Variants in VWA5B2 observed in about 807,000 individuals in gnomAD.
VWA5B2 encodes von Willebrand factor A domain-containing protein 5B2.
VWA5B2 carries 93 observed loss-of-function variants against 118.5 expected under a neutral mutation model. The observed-to-expected ratio is 0.79, with a 90% CI of 0.66 to 0.93. The LOEUF is 0.93. Ranked by LOEUF, VWA5B2 falls within the 40% of genes least tolerant of loss-of-function variation. VWA5B2 has a pLI of 0.00. For missense variants in VWA5B2, 1,546 were observed against 1,672.8 expected (o/e 0.92, Z 1.32); for synonymous variants, 708 against 716.3 (o/e 0.99, Z 0.19).
At position 184,240,774 on chromosome 3, in the gene VWA5B2, G is replaced by T; in HGVS notation, c.2741-17G>T. The T allele has an allele frequency of 6.5e-7, 1 of 1,549,796 alleles. No individual in the cohort carries two copies. The highest frequency in any genetic ancestry group is 8.7e-7 in the Non-Finnish European group (1 of 1,146,754). Reference sequence around the variant, plus strand: ...GTGGGTGGTGGGGGCTCCACAGACTGCTCCTTGGTTCCACAGGCCATGCCC... The same window carrying T: ...GTGGGTGGTGGGGGCTCCACAGACTTCTCCTTGGTTCCACAGGCCATGCCC... On this transcript the variant is annotated splice_polypyrimidine_tract_variant and intron_variant, in intron 16 of 19. Coordinates refer to ENST00000691901, the MANE Select transcript of VWA5B2 (RefSeq NM_001390846.1).
chr3:184,239,973 T>C lies in VWA5B2; in HGVS notation c.2677T>C (p.Ser893Pro), dbSNP rs868368591. Reference protein sequence around the residue: ...DQALHRLTAASVVRDNEQLAL... With the variant: ...DQALHRLTAAPVVRDNEQLAL... ...AGCACTCCATCGGCTGACAGCAGCCTCTGTGGTCCGGGACAATGAGCAGCT... is the reference window on the plus strand; with the variant it reads ...AGCACTCCATCGGCTGACAGCAGCCCCTGTGGTCCGGGACAATGAGCAGCT... The change falls in exon 16 of 20, where the codon TCT (serine) becomes CCT (proline). Residue 893 changes from serine to proline, a missense_variant. This residue lies in a region of VWA5B2 where 763 missense variants were observed against 766.6 expected (regional missense o/e 1.00). Transcript: ENST00000691901. This position sits in a 1 kb window ranked among gnomAD's most constrained non-coding sequence, Gnocchi z 5.1. 4 of 1,550,900 alleles carry C rather than the reference T, an allele frequency of 2.6e-6. No homozygotes were observed. The highest frequency in any genetic ancestry group is 1.7e-6 in the Non-Finnish European group (2 of 1,146,906).
At position 184,237,229 on chromosome 3, in the gene VWA5B2, G is replaced by T. The variant is rs79073289; in HGVS notation, c.1537G>T (p.Val513Leu). 2.9e-3 allele frequency: 4,460 copies of T among 1,551,186 alleles called. 117 individuals carry two copies. The African/African-American group carries it at 0.054, about 19-fold the overall frequency. ...TCCCTGTGGCCACTCCCCACAGCTGGTACAGGCTCTGCGGAAGGCACTGGA... is the reference window on the plus strand; with the variant it reads ...TCCCTGTGGCCACTCCCCACAGCTGTTACAGGCTCTGCGGAAGGCACTGGA... ...RPGQRLQPML[V>L]QALRKALEPA... The change falls in exon 12 of 20, where the codon GTA becomes TTA. Residue 513 changes from valine (V) to leucine (L), a missense_variant. Physicochemically the swap from Val to Leu is conservative, Grantham distance 32 (BLOSUM62 1). Coordinates refer to ENST00000691901, the MANE Select transcript of VWA5B2 (RefSeq NM_001390846.1). The surrounding 1 kb of genome is among the most constrained non-coding windows in gnomAD (Gnocchi z 5.6).
In VWA5B2 at chr3:184,241,574, C is replaced by T. The variant is rs747989983; in HGVS notation, c.3265C>T (p.Arg1089Cys). ...AVRISQERLC[R>C]ASPFAVHRAS... is the part of the protein sequence containing the mutation. ...GCGCATCTCGCAGGAGCGCCTCTGCCGTGCCTCGCCCTTTGCCGTGCACCG... is the reference window on the plus strand; with the variant it reads ...GCGCATCTCGCAGGAGCGCCTCTGCTGTGCCTCGCCCTTTGCCGTGCACCG... Residue 1089 changes from arginine to cysteine, a missense_variant, in exon 20 of 20, where the codon CGT becomes TGT. By Grantham distance (180) the Arg-to-Cys change is radical. Coordinates refer to ENST00000691901, the MANE Select transcript of VWA5B2 (RefSeq NM_001390846.1). The surrounding 1 kb of genome is among the most constrained non-coding windows in gnomAD (Gnocchi z 5.1). 1.0e-5 allele frequency: 16 copies of T among 1,547,780 alleles called. No individual in the cohort carries two copies. Among genetic ancestry groups the T allele is most frequent in the Non-Finnish European group, 1.4e-5 (16 of 1,146,724 alleles).
rs1471703293 is a variant in VWA5B2 at position 184,239,778 on chromosome 3, G to A, written c.2482G>A (p.Ala828Thr). 6.5e-7 allele frequency: 1 copy of A among 1,537,416 alleles called. No individual in the cohort carries two copies. The highest frequency in any genetic ancestry group is 8.8e-7 in the Non-Finnish European group (1 of 1,137,610). The change falls in exon 16 of 20, where the codon GCC becomes ACC. Residue 828 changes from alanine to threonine, a missense_variant. This residue lies in a region of VWA5B2 where 763 missense variants were observed against 766.6 expected (regional missense o/e 1.00). Transcript: ENST00000691901. The surrounding 1 kb of genome is among the most constrained non-coding windows in gnomAD (Gnocchi z 5.1). ...FTAVPPSGEL[A>T]PPAVPPQAPR... ...GGCTGTGCCTCCTAGTGGGGAGTTGGCCCCTCCAGCAGTGCCTCCCCAGGC... is the reference window on the plus strand; with the variant it reads ...GGCTGTGCCTCCTAGTGGGGAGTTGACCCCTCCAGCAGTGCCTCCCCAGGC...
chr3:184,230,738 CCT>C lies in VWA5B2; in HGVS notation c.140-7_140-6del. ...AGGGTCCGACGCCGCCTCCCGCCGC[CCT>C]CCCCAGGCGTGTTCGTGTACCCGCT... On this transcript the variant is annotated splice_region_variant and splice_polypyrimidine_tract_variant and intron_variant, in intron 2 of 19. Coordinates refer to ENST00000691901, the MANE Select transcript of VWA5B2 (RefSeq NM_001390846.1). 1 of 1,217,488 alleles carries C rather than the reference CCT, an allele frequency of 8.2e-7. No individual in the cohort carries two copies. Among genetic ancestry groups the C allele is most frequent in the Non-Finnish European group, 1.0e-6 (1 of 979,798 alleles). 75.4% of individuals were successfully genotyped at this position (1,217,488 alleles called of 1,614,324 possible).
At position 184,239,734 on chromosome 3, in the gene VWA5B2, A is replaced by G; in HGVS notation, c.2438A>G (p.Glu813Gly). The G allele has an allele frequency of 7.3e-6, 11 of 1,500,390 alleles. No homozygotes were observed. Among genetic ancestry groups the G allele is most frequent in the Non-Finnish European group, 9.8e-6 (11 of 1,118,578 alleles). The allele number at this position is 1,500,390 out of a possible 1,614,324, so 92.9% of individuals were successfully genotyped here. A position where few individuals can be genotyped will look rare whatever the true frequency, so the allele number is the denominator to read the frequency against. The change falls in exon 16 of 20, where the codon GAA becomes GGA. Residue 813 changes from glutamate to glycine, a missense_variant. Coordinates refer to ENST00000691901, the MANE Select transcript of VWA5B2 (RefSeq NM_001390846.1). The surrounding 1 kb of genome is among the most constrained non-coding windows in gnomAD (Gnocchi z 5.1). The stretch of plus-strand genomic sequence containing the variant: ...CCTATGGACTGGGACATGCTGATGG[A>G]ACCACCCTTCTTATTCACGGCTGTG... ...PAPMDWDMLM[E>G]PPFLFTAVPP...
At position 184,233,104 on chromosome 3, in the gene VWA5B2, C is replaced by T; in HGVS notation, c.311-74C>T. ...CTTGCCCAGGCTCCCTGACCCAATG[C>T]CTGCTTCCACATCTAGCTTCCTCCC... On this transcript the variant is annotated intron_variant, in intron 3 of 19. Transcript: ENST00000691901. The surrounding 1 kb of genome is among the most constrained non-coding windows in gnomAD (Gnocchi z 5.2). 1.4e-6 allele frequency: 2 copies of T among 1,401,976 alleles called. No individual in the cohort carries two copies. Among genetic ancestry groups the T allele is most frequent in the Non-Finnish European group, 1.9e-6 (2 of 1,030,570 alleles). The allele number at this position is 1,401,976 out of a possible 1,614,324, so 86.8% of individuals were successfully genotyped here. A position where few individuals can be genotyped will look rare whatever the true frequency, so the allele number is the denominator to read the frequency against.
Position 184,239,596 on chromosome 3 carries a change from T to A in VWA5B2, c.2392+13T>A, listed in dbSNP as rs980038391. The A allele has an allele frequency of 6.7e-7, 1 of 1,500,084 alleles. No homozygotes were observed. 92.9% of individuals were successfully genotyped at this position (1,500,084 alleles called of 1,614,324 possible). A position where few individuals can be genotyped will look rare whatever the true frequency, so the allele number is the denominator to read the frequency against. On this transcript the variant is annotated intron_variant, in intron 15 of 19. Transcript: ENST00000691901. The surrounding 1 kb of genome is among the most constrained non-coding windows in gnomAD (Gnocchi z 5.1). ...CTGGATGACTCAGGTAAGTGTTGGA[T>A]GGGGAGCTGGTTTCCCTGACACCAA...
rs1283422517 is a variant in VWA5B2, at chr3:184,235,318, G to A, written c.1101+10G>A. 1.3e-6 allele frequency: 2 copies of A among 1,550,982 alleles called. No individual in the cohort carries two copies. The highest frequency in any genetic ancestry group is 1.7e-6 in the Non-Finnish European group (2 of 1,146,672). ...CAGCGTGGCACACAAGGCCCGTGGGGGTGTGGTGTGGGCAGGCCTGGGGGT... is the reference window on the plus strand; with the variant it reads ...CAGCGTGGCACACAAGGCCCGTGGGAGTGTGGTGTGGGCAGGCCTGGGGGT... On this transcript the variant is annotated intron_variant, in intron 8 of 19. Transcript: ENST00000691901.
chr3:184,235,816 AGT>A (rs1717913440), intron 8 of VWA5B2, among the ~76,000 whole-genome samples: 1 of 147,410 alleles, frequency 6.8e-6, no homozygotes, highest in African/African-American at 2.6e-5. Context: ...GTACTTCCAG[AGT>A]CCCACACAGT....
Position 184,242,231 on chromosome 3 carries a change from C to A in VWA5B2, c.*193C>A. 1.3e-6 allele frequency: 1 copy of A among 763,908 alleles called. No individual in the cohort carries two copies. Among genetic ancestry groups the A allele is most frequent in the Non-Finnish European group, 2.1e-6 (1 of 468,800 alleles). The allele number at this position is 763,908 out of a possible 1,614,324, so 47.3% of individuals were successfully genotyped here. ...TGTGCTCTCTCCCTCTCCTCCCACC[C>A]CACTCACACTCCCCTCCATCCTCTG... On this transcript the variant is annotated 3_prime_UTR_variant, in exon 20 of 20. Coordinates refer to ENST00000691901, the MANE Select transcript of VWA5B2 (RefSeq NM_001390846.1).
Position 184,232,726 on chromosome 3 carries a change from G to A in VWA5B2, c.311-452G>A, listed in dbSNP as rs144077598. 2.0e-3 allele frequency: 325 copies of A among 163,472 alleles called. 8 individuals are homozygous for A. The highest frequency in any genetic ancestry group is 0.016 in the Admixed American group (256 of 16,370). 10.1% of individuals were successfully genotyped at this position (163,472 alleles called of 1,614,324 possible). ...CCCGGGAGGAGTAGAGAATTCTGGA[G>A]CCACCTTAGTGGGCAATGGGGGAGC... On this transcript the variant is annotated intron_variant, in intron 3 of 19. Transcript: ENST00000691901.
In VWA5B2 at chr3:184,233,515, C is replaced by G; in HGVS notation, c.531-61C>G. 6.6e-7 allele frequency: 1 copy of G among 1,522,062 alleles called. No homozygotes were observed. Among genetic ancestry groups the G allele is most frequent in the East Asian group, 2.5e-5 (1 of 40,634 alleles). The allele number at this position is 1,522,062 out of a possible 1,614,324, so 94.3% of individuals were successfully genotyped here. A position where few individuals can be genotyped will look rare whatever the true frequency, so the allele number is the denominator to read the frequency against. On this transcript the variant is annotated intron_variant, in intron 4 of 19. Transcript: ENST00000691901. The surrounding 1 kb of genome is among the most constrained non-coding windows in gnomAD (Gnocchi z 5.2). ...AGGGTGAGGAAGGGCTGGGGCCAGT[C>G]AGCCGGAGGGTTTAGGGGCCTTCAC...
At position 184,236,272 on chromosome 3, in the gene VWA5B2, G is replaced by A. The variant is rs1717984525; in HGVS notation, c.1212+10G>A. 1 of 1,551,650 alleles carries A rather than the reference G, an allele frequency of 6.4e-7. No homozygotes were observed. Among genetic ancestry groups the A allele is most frequent in the African/African-American group, 1.4e-5 (1 of 73,072 alleles). ...CCGGCCTTGCAGTGATGTGAGTGTG[G>A]TCCAGGGATCTGGGGGCCTTACAGA... On this transcript the variant is annotated intron_variant, in intron 9 of 19. Coordinates refer to ENST00000691901, the MANE Select transcript of VWA5B2 (RefSeq NM_001390846.1).
At position 184,230,468 on chromosome 3, in the gene VWA5B2, G is replaced by A; in HGVS notation, c.-61G>A. On this transcript the variant is annotated 5_prime_UTR_variant, in exon 2 of 20. Coordinates refer to ENST00000691901, the MANE Select transcript of VWA5B2 (RefSeq NM_001390846.1). ...CTGGCCTCTGGAGCGCGGGGTGGGC[G>A]TCCCGTCACCCTGCGCCCAGCTTCC... The A allele has an allele frequency of 1.4e-6, 2 of 1,380,978 alleles. No homozygotes were observed. The highest frequency in any genetic ancestry group is 3.8e-5 in the Admixed American group (1 of 26,550). The allele number at this position is 1,380,978 out of a possible 1,614,324, so 85.5% of individuals were successfully genotyped here.
chr3:184,229,959 G>A (rs1717199225), intron 1 of VWA5B2, among the ~76,000 whole-genome samples: 1 of 152,158 alleles, frequency 6.6e-6, no homozygotes, highest in South Asian at 2.1e-4. Context: ...CTCCACTCCG[G>A]CCAGCACCCC....
chr3:184,230,781 G>GGTGTCCGGCTTCGAGGCCGAGGCC lies in VWA5B2; in HGVS notation c.176_199dup (p.Val59_Ala66dup). 1 of 1,239,266 alleles carries GGTGTCCGGCTTCGAGGCCGAGGCC rather than the reference G, an allele frequency of 8.1e-7. No individual in the cohort carries two copies. The highest frequency in any genetic ancestry group is 1.0e-6 in the Non-Finnish European group (1 of 991,944). The allele number at this position is 1,239,266 out of a possible 1,614,324, so 76.8% of individuals were successfully genotyped here. A position where few individuals can be genotyped will look rare whatever the true frequency, so the allele number is the denominator to read the frequency against. Reference sequence around the variant, plus strand: ...TGTACCCGCTGGCCGAGGCCGAGGTGGTGTCCGGCTTCGAGGCCGAGGCCG... The same window carrying GGTGTCCGGCTTCGAGGCCGAGGCC: ...TGTACCCGCTGGCCGAGGCCGAGGTGGTGTCCGGCTTCGAGGCCGAGGCCGTGTCCGGCTTCGAGGCCGAGGCCG... On this transcript the variant is annotated inframe_insertion, in exon 3 of 20. Coordinates refer to ENST00000691901, the MANE Select transcript of VWA5B2 (RefSeq NM_001390846.1).
chr3:184,242,217 C>T lies in VWA5B2; in HGVS notation c.*179C>T. 1.2e-6 allele frequency: 1 copy of T among 808,044 alleles called. No individual in the cohort carries two copies. The highest frequency in any genetic ancestry group is 1.7e-5 in the South Asian group (1 of 58,418). The allele number at this position is 808,044 out of a possible 1,614,324, so 50.1% of individuals were successfully genotyped here. A position where few individuals can be genotyped will look rare whatever the true frequency, so the allele number is the denominator to read the frequency against. On this transcript the variant is annotated 3_prime_UTR_variant, in exon 20 of 20. Transcript: ENST00000691901. Reference sequence around the variant, plus strand: ...AAAAAGTGCCTGCCTGTGCTCTCTCCCTCTCCTCCCACCCCACTCACACTC... The same window carrying T: ...AAAAAGTGCCTGCCTGTGCTCTCTCTCTCTCCTCCCACCCCACTCACACTC...
Position 184,241,315 on chromosome 3 carries a change from C to T in VWA5B2, c.3091C>T (p.Leu1031Phe). ...RRPPPRPPCRLSMGRRHKLCS... is the reference protein window; with the variant it reads ...RRPPPRPPCRFSMGRRHKLCS... ...CCCACCTCCCCGTCCTCCCTGTCGG[C>T]TCAGCATGGGCCGCCGTCACAAACT... The change falls in exon 19 of 20, where the codon CTC (leucine) becomes TTC (phenylalanine). Residue 1031 changes from leucine (L) to phenylalanine (F), a missense_variant. This residue lies in a region of VWA5B2 where 763 missense variants were observed against 766.6 expected (regional missense o/e 1.00). Coordinates refer to ENST00000691901, the MANE Select transcript of VWA5B2 (RefSeq NM_001390846.1). This position sits in a 1 kb window ranked among gnomAD's most constrained non-coding sequence, Gnocchi z 5.1. 6.4e-7 allele frequency: 1 copy of T among 1,551,334 alleles called. No homozygotes were observed. Among genetic ancestry groups the T allele is most frequent in the Non-Finnish European group, 8.7e-7 (1 of 1,147,006 alleles).
Sources: gnomAD v4.1 joint callset for allele counts (sites outside exome capture counted in the v4.1 genomes callset) on GRCh38, gnomAD v4.1.1 for gene constraint, gnomAD v4.1.1 regional missense constraint, Gnocchi (gnomAD v3.1) non-coding constraint, MANE v1.5 for transcripts, NCBI Gene and HGNC (gene_info 2026-07-23, HGNC 2026-07-21) for gene names.